The following NRBP2 variants were observed in gnomAD, a reference collection of about 807,000 sequenced individuals.
NRBP2 encodes the protein nuclear receptor binding protein 2.
In NRBP2, 47 loss-of-function variants were observed where a neutral mutation model predicts 74.4. The observed-to-expected ratio is 0.63, with a 90% CI of 0.50 to 0.81. The LOEUF (loss-of-function observed/expected upper bound fraction) is 0.81, where lower values mean the gene tolerates loss of function less well. Among genes scored for constraint, NRBP2 ranks in the 30% least tolerant of loss-of-function variants. NRBP2 has a pLI of 0.00. For synonymous variants in NRBP2, 312 were observed against 273.8 expected (o/e 1.14, Z -1.38); for missense variants, 613 against 690.1 (o/e 0.89, Z 1.25).
chr8:143,831,297 T>C (rs1818158112), downstream of NRBP2, among the ~76,000 whole-genome samples: 1 of 152,220 alleles, frequency 6.6e-6, no homozygotes, highest in South Asian at 2.1e-4. Context: ...CCTGTGTTCT[T>C]GCCACCACCA....
chr8:143,838,076 C>A, intron 10 of NRBP2: 1 of 593,766 alleles, frequency 1.7e-6, no homozygotes, highest in Non-Finnish European at 3.1e-6. Flanking sequence ...TCAGCTCGGG[C>A]CCAACACTGG....
chr8:143,835,733 G>A lies in NRBP2; in HGVS notation c.1438-3C>T. On this transcript the variant is annotated splice_region_variant and splice_polypyrimidine_tract_variant and intron_variant, in intron 17 of 17. Coordinates refer to ENST00000442628, the MANE Select transcript of NRBP2 (RefSeq NM_178564.4). This position sits in a 1 kb window ranked among gnomAD's most constrained non-coding sequence, Gnocchi z 4.9. Reference sequence around the variant, plus strand: ...GCGGCCAGCTTCATCCGGTCGTCCTGCGGAAGGAGGGAGGCATGGGGGACG... The same window carrying A: ...GCGGCCAGCTTCATCCGGTCGTCCTACGGAAGGAGGGAGGCATGGGGGACG... The A allele has an allele frequency of 6.3e-7, 1 of 1,598,480 alleles. No homozygotes were observed. The highest frequency in any genetic ancestry group is 8.5e-7 in the Non-Finnish European group (1 of 1,174,202).
intron 9 of NRBP2, 49 bp downstream of exon 9, chr8:143,838,834 G>A (rs1563863174): frequency 6.8e-6 from 11 of 1,611,712 alleles, no homozygotes; most frequent in Non-Finnish European, 8.5e-6. Context: ...GCCAGGCAGG[G>A]CACAGTTAGG....
At chr8:143,830,887 A>G (rs1457615652), downstream of NRBP2, among the ~76,000 whole-genome samples, 1 of 152,272 alleles carries the variant, frequency 6.6e-6, no homozygotes, top group Non-Finnish European at 1.5e-5. Flanking sequence ...TAGAAATAAA[A>G]CATGAGGGGA....
chr8:143,830,817 A>G (rs527722707), downstream of NRBP2, among the ~76,000 whole-genome samples: 1 of 152,378 alleles, frequency 6.6e-6, no homozygotes, highest in South Asian at 2.1e-4. Context: ...TGCCATTCTC[A>G]GTCAATAAAA....
rs1343480853 is a variant in NRBP2, at chr8:143,839,574, C to T, written c.445-25G>A. The T allele has an allele frequency of 1.4e-5, 22 of 1,526,854 alleles. No individual in the cohort carries two copies. The highest frequency in any genetic ancestry group is 1.8e-5 in the Non-Finnish European group (21 of 1,142,930). 94.6% of individuals were successfully genotyped at this position (1,526,854 alleles called of 1,614,324 possible). ...CCTGGCGGCGGACGCACGACTCCGT[C>T]GGTCGGGTGGGCGCAGGAGAGGCGG... On this transcript the variant is annotated intron_variant, in intron 4 of 17. Coordinates refer to ENST00000442628, the MANE Select transcript of NRBP2 (RefSeq NM_178564.4). The surrounding 1 kb of genome is among the most constrained non-coding windows in gnomAD (Gnocchi z 5.1).
In NRBP2 at chr8:143,839,889, G is replaced by C. The variant is rs1431084677; in HGVS notation, c.354+40C>G. 2 of 1,534,556 alleles carry C rather than the reference G, an allele frequency of 1.3e-6. No individual in the cohort carries two copies. Among genetic ancestry groups the C allele is most frequent in the East Asian group, 4.9e-5 (2 of 40,914 alleles). ...TTCGTCCCCATGCCCGCCCCACCTA[G>C]CTGTGGTCTCTGCCTGCCCGGGGCC... On this transcript the variant is annotated intron_variant, in intron 3 of 17. Transcript: ENST00000442628. This position sits in a 1 kb window ranked among gnomAD's most constrained non-coding sequence, Gnocchi z 5.1.
downstream of NRBP2, among the ~76,000 whole-genome samples, chr8:143,832,590 C>G (rs894496429): frequency 1.3e-5 from 2 of 152,224 alleles, no homozygotes; most frequent in Admixed American, 1.3e-4. Context: ...GTGGGACCTG[C>G]GGGCAGCAAT....
In NRBP2 at chr8:143,834,680, A is replaced by C. The variant is rs1818283403; in HGVS notation, c.*982T>G. Reference sequence around the variant, plus strand: ...CATACAGTTTAAAATGCTTAAGGCCATTTCACTAAGTTTGGAATTGGAGGA... The same window carrying C: ...CATACAGTTTAAAATGCTTAAGGCCCTTTCACTAAGTTTGGAATTGGAGGA... On this transcript the variant is annotated 3_prime_UTR_variant, in exon 18 of 18. Transcript: ENST00000442628. 6.6e-6 allele frequency: 1 copy of C among 152,304 alleles called. No individual in the cohort carries two copies. Among genetic ancestry groups the C allele is most frequent in the African/African-American group, 2.4e-5 (1 of 41,466 alleles). The allele number at this position is 152,304 out of a possible 1,614,324, so 9.4% of individuals were successfully genotyped here.
chr8:143,830,268 C>T (rs566914425), downstream of NRBP2, among the ~76,000 whole-genome samples: 18 of 152,380 alleles, frequency 1.2e-4, no homozygotes, highest in South Asian at 2.9e-3. Flanking sequence ...AGGTGGACAG[C>T]GAGAGCTACT....
chr8:143,836,393 C>A (rs937036197), intron 14 of NRBP2, among the ~76,000 whole-genome samples: 1 of 151,880 alleles, frequency 6.6e-6, no homozygotes, highest in Non-Finnish European at 1.5e-5. Context: ...GCTTTCACCG[C>A]GGAGAGAACA....
At chr8:143,830,303 A>T (rs1400052301), downstream of NRBP2, among the ~76,000 whole-genome samples, 1 of 152,268 alleles carries the variant, frequency 6.6e-6, no homozygotes, top group African/African-American at 2.4e-5. Flanking sequence ...TATGGAGGCC[A>T]GTGTCTGAGG....
At position 143,837,260 on chromosome 8, in the gene NRBP2, C is replaced by T. The variant is rs371150343; in HGVS notation, c.1116G>A (p.Leu372=). The T allele has an allele frequency of 4.1e-5, 66 of 1,613,566 alleles. No individual in the cohort carries two copies. The African/African-American group carries it at 6.8e-4, about 17-fold the overall frequency. ...EVSFMELDKF[L]EDVRNGIYPL... ...ACATCAGTTCTCACCTGACATCCTC[C>T]AGGAATTTGTCCAGCTCCATGAAGG... is the stretch of plus-strand genomic sequence containing the variant. The change falls in exon 13 of 18, where the codon CTG becomes CTA. Residue 372 remains leucine, a synonymous_variant. Transcript: ENST00000442628. The surrounding 1 kb of genome is among the most constrained non-coding windows in gnomAD (Gnocchi z 4.3).
rs192975604 is a variant in NRBP2, at chr8:143,837,684, G to A, written c.912C>T (p.Arg304=). ...TCAGCGAGTGCACCTCGAAGAGCAC[G>A]CGGTGGAAGAGGAGGCTGTGGGCAG... ...RPSAHSLLFH[R]VLFEVHSLKL... Residue 304 remains arginine, a synonymous_variant, in exon 11 of 18, where the codon CGC becomes CGT. Coordinates refer to ENST00000442628, the MANE Select transcript of NRBP2 (RefSeq NM_178564.4). The surrounding 1 kb of genome is among the most constrained non-coding windows in gnomAD (Gnocchi z 4.3). 286 of 1,580,460 alleles carry A rather than the reference G, an allele frequency of 1.8e-4. No homozygotes were observed. Among genetic ancestry groups the A allele is most frequent in the East Asian group, 5.7e-4 (25 of 43,632 alleles).
intron 14 of NRBP2, 53 bp downstream of exon 14, chr8:143,836,986 T>C (rs1818430420): frequency 3.8e-6 from 6 of 1,574,738 alleles, no homozygotes; most frequent in Non-Finnish European, 5.1e-6. Context: ...ACCTCTTATC[T>C]GGCTGTTAGA....
downstream of NRBP2, among the ~76,000 whole-genome samples, chr8:143,830,725 C>T (rs1818125672): frequency 6.6e-6 from 1 of 152,206 alleles, no homozygotes; most frequent in Non-Finnish European, 1.5e-5. Context: ...AGCCCAGGAT[C>T]ACCAGACACC....
intron 10 of NRBP2, chr8:143,838,208 C>A: frequency 2.6e-6 from 1 of 381,258 alleles, no homozygotes; most frequent in Non-Finnish European, 4.9e-6. Flanking sequence ...AGACTCCGAG[C>A]AGAGGGGGCT....
At position 143,835,270 on chromosome 8, in the gene NRBP2, A is replaced by C; in HGVS notation, c.*392T>G. On this transcript the variant is annotated 3_prime_UTR_variant, in exon 18 of 18. Coordinates refer to ENST00000442628, the MANE Select transcript of NRBP2 (RefSeq NM_178564.4). The surrounding 1 kb of genome is among the most constrained non-coding windows in gnomAD (Gnocchi z 4.9). The stretch of plus-strand genomic sequence containing the variant: ...GACCCCATGGAGCAGTTCCCTGGGC[A>C]GAGGTCTGTCCAGGGCTGACCCTCA... 1 of 275,264 alleles carries C rather than the reference A, an allele frequency of 3.6e-6. No homozygotes were observed. The highest frequency in any genetic ancestry group is 7.0e-6 in the Non-Finnish European group (1 of 142,278). 17.1% of individuals were successfully genotyped at this position (275,264 alleles called of 1,614,324 possible).
rs1818486421 is a variant in NRBP2, at chr8:143,837,738, G to A, written c.858C>T (p.Cys286=). The A allele has an allele frequency of 2.6e-6, 4 of 1,560,962 alleles. No homozygotes were observed. The highest frequency in any genetic ancestry group is 1.3e-5 in the African/African-American group (1 of 74,084). The change falls in exon 11 of 18, where the codon TGC becomes TGT. Residue 286 remains cysteine (C), a synonymous_variant. Coordinates refer to ENST00000442628, the MANE Select transcript of NRBP2 (RefSeq NM_178564.4). This position sits in a 1 kb window ranked among gnomAD's most constrained non-coding sequence, Gnocchi z 4.3. ...DPNMREFILC[C]LARDPARRPS... ...GCCGGCGGGCAGGGTCCCGGGCCAG[G>A]CAGCAAAGGATGAACTCCTGGGGCA...
Sources: allele counts gnomAD v4.1 joint callset (sites outside exome capture counted in the v4.1 genomes callset), GRCh38; gene constraint gnomAD v4.1.1; non-coding constraint Gnocchi (gnomAD v3.1); transcripts MANE v1.5; gene names NCBI Gene and HGNC (gene_info 2026-07-23, HGNC 2026-07-21).